The following RHBDD1 variants were observed in gnomAD, a reference collection of about 807,000 sequenced individuals.
The protein encoded by RHBDD1 is rhomboid-related protein 4.
A neutral mutation model predicts 36.3 loss-of-function variants in RHBDD1; 38 were observed. The ratio of observed to expected loss-of-function variants is 1.05; its 90% CI spans 0.81 to 1.37. The LOEUF (loss-of-function observed/expected upper bound fraction) is 1.37, where lower values mean the gene tolerates loss of function less well. Ranked by LOEUF, RHBDD1 falls within the 40% of genes most tolerant of loss-of-function variation. RHBDD1 has a pLI of 0.00. For synonymous variants in RHBDD1, 151 were observed against 136.5 expected (o/e 1.11, Z -0.74); for missense variants, 393 against 377.6 (o/e 1.04, Z -0.34).
intron 8 of RHBDD1, among the ~76,000 whole-genome samples, chr2:226,940,257 T>G (rs1304900616): frequency 6.6e-6 from 1 of 152,182 alleles, no homozygotes; most frequent in African/African-American, 2.4e-5. Flanking sequence ...AAAGATTTCA[T>G]GATGAAGATG....
At chr2:226,899,650 A>T (rs1328572753) in intron 5 of RHBDD1, among the ~76,000 whole-genome samples, 1 of 152,220 alleles carries the variant, frequency 6.6e-6, no homozygotes, top group African/African-American at 2.4e-5. Context: ...AAAAAGACAG[A>T]TTGCCTACAG....
At chr2:226,897,750 T>A (rs1386204543) in intron 5 of RHBDD1, among the ~76,000 whole-genome samples, 2 of 152,134 alleles carry the variant, frequency 1.3e-5, no homozygotes, top group East Asian at 3.9e-4. Flanking sequence ...GGCGGGTGGA[T>A]CACTGAGGTC....
upstream of RHBDD1, among the ~76,000 whole-genome samples, chr2:226,833,113 T>C (rs2124869361): frequency 6.6e-6 from 1 of 152,354 alleles, no homozygotes; most frequent in South Asian, 2.1e-4. Flanking sequence ...TTATTATCAC[T>C]ATGGTACATG....
Position 226,914,279 on chromosome 2 carries a change from G to A in RHBDD1, c.784G>A (p.Asp262Asn), listed in dbSNP as rs1948734946. Reference sequence around the variant, plus strand: ...CTATGAAGAAGCACCCAGGAACTATGACACGTACACAGCAGGACTGAGTGA... The same window carrying A: ...CTATGAAGAAGCACCCAGGAACTATAACACGTACACAGCAGGACTGAGTGA... The part of the protein sequence containing the change: ...DHYEEAPRNY[D>N]TYTAGLSEEE... Residue 262 changes from aspartate (D) to asparagine (N), a missense_variant, in exon 8 of 9, where the codon GAC (aspartate) becomes AAC (asparagine). By Grantham distance (23) the Asp-to-Asn change is conservative. Transcript: ENST00000392062. The A allele has an allele frequency of 2.5e-6, 4 of 1,613,842 alleles. No individual in the cohort carries two copies. In the Middle Eastern group the frequency reaches 4.9e-4, roughly 200 times the overall value.
At chr2:226,902,428 A>T (rs776198322) in intron 5 of RHBDD1, among the ~76,000 whole-genome samples, 10 of 152,170 alleles carry the variant, frequency 6.6e-5, no homozygotes, top group Non-Finnish European at 1.3e-4. Context: ...CCACCTTCCC[A>T]GTTCAGTTTT....
At chr2:226,824,869 A>C in the RHBDD1 span, among the ~76,000 whole-genome samples, 1 of 152,184 alleles carries the variant, frequency 6.6e-6, no homozygotes, top group African/African-American at 2.4e-5. Context: ...AGTGGCAGAG[A>C]TACAGCTGTG....
chr2:226,835,480 C>T (rs1033714299), upstream of RHBDD1: 3 of 152,266 alleles, frequency 2.0e-5, no homozygotes, highest in Non-Finnish European at 2.9e-5. Context: ...GGCTCTGGGA[C>T]TCTGCGATAA....
intron 8 of RHBDD1, among the ~76,000 whole-genome samples, chr2:226,956,643 C>T (rs1276953515): frequency 6.6e-6 from 1 of 152,190 alleles, no homozygotes. Context: ...CCAGAATCTT[C>T]TAATTATTAG....
the RHBDD1 span, among the ~76,000 whole-genome samples, chr2:226,814,902 C>T: frequency 1.3e-5 from 2 of 152,178 alleles, no homozygotes; most frequent in Non-Finnish European, 2.9e-5. Flanking sequence ...AAGACAGGTG[C>T]TGCACACACT....
intron 1 of RHBDD1, among the ~76,000 whole-genome samples, chr2:226,836,425 A>G (rs1940968601): frequency 6.6e-6 from 1 of 152,252 alleles, no homozygotes; most frequent in African/African-American, 2.4e-5. Context: ...TTTTGAAAGC[A>G]GGAAGTTTGA....
intron 8 of RHBDD1, among the ~76,000 whole-genome samples, chr2:226,938,739 T>C (rs1016446359): frequency 6.7e-6 from 1 of 148,730 alleles, no homozygotes; most frequent in Non-Finnish European, 1.5e-5. Context: ...TACAAAAAAA[T>C]GAAAGAAAAA....
chr2:226,810,585 T>C, the RHBDD1 span, among the ~76,000 whole-genome samples: 9 of 103,304 alleles, frequency 8.7e-5, no homozygotes, highest in Non-Finnish European at 1.4e-4. Flanking sequence ...AAGAGAATCA[T>C]AAGGAAAAGA....
intron 8 of RHBDD1, chr2:226,942,576 G>C (rs916495249): frequency 2.7e-5 from 10 of 369,856 alleles, no homozygotes; most frequent in African/African-American, 2.0e-4. Flanking sequence ...TGAAAACTCA[G>C]AGGTATGTGT....
chr2:226,887,956 C>A (rs1028792065), intron 5 of RHBDD1, among the ~76,000 whole-genome samples: 1 of 152,142 alleles, frequency 6.6e-6, no homozygotes, highest in African/African-American at 2.4e-5. Context: ...AGATACAACA[C>A]GTATGCAGAT....
At chr2:226,988,247 G>C in intron 8 of RHBDD1, 2 of 1,257,988 alleles carry the variant, frequency 1.6e-6, no homozygotes, top group East Asian at 5.2e-5. Context: ...TTGGGAGTAG[G>C]ACTCATATCA....
intron 5 of RHBDD1, among the ~76,000 whole-genome samples, chr2:226,873,305 C>G (rs1024967117): frequency 2.0e-5 from 3 of 152,200 alleles, no homozygotes; most frequent in Admixed American, 6.5e-5. Context: ...AACTCAACGT[C>G]CCTTTAGCTG....
chr2:226,950,923 T>A (rs1038881309), intron 8 of RHBDD1, among the ~76,000 whole-genome samples: 3 of 152,210 alleles, frequency 2.0e-5, no homozygotes, highest in Non-Finnish European at 4.4e-5. Flanking sequence ...ATTCCATCAG[T>A]TGTCTCTTCA....
At chr2:226,901,764 T>G (rs1042437489) in intron 5 of RHBDD1, among the ~76,000 whole-genome samples, 3 of 152,228 alleles carry the variant, frequency 2.0e-5, no homozygotes, top group Non-Finnish European at 4.4e-5. Flanking sequence ...ATCCAAAATA[T>G]GTAAAGAACT....
upstream of RHBDD1, among the ~76,000 whole-genome samples, chr2:226,834,208 G>A (rs1364046795): frequency 1.3e-5 from 2 of 152,208 alleles, no homozygotes; most frequent in Non-Finnish European, 2.9e-5. Context: ...GAGAGTGATG[G>A]AGAATAGAAG....
Sources: gnomAD v4.1 joint callset for allele counts (sites outside exome capture counted in the v4.1 genomes callset) on GRCh38, gnomAD v4.1.1 for gene constraint, MANE v1.5 for transcripts, NCBI Gene and HGNC (gene_info 2026-07-23, HGNC 2026-07-21) for gene names.